The following LUC7L2 variants were observed in gnomAD, a reference collection of about 807,000 sequenced individuals.
The protein encoded by LUC7L2 is LUC7 like 2, pre-mRNA splicing factor.
In LUC7L2, 25 loss-of-function variants were observed where a neutral mutation model predicts 52.8. The observed-to-expected ratio is 0.47, with a 90% CI of 0.34 to 0.66. The LOEUF is 0.66. Ranked by LOEUF, LUC7L2 falls within the 30% of genes least tolerant of loss-of-function variation. The pLI is 0.01. For missense variants in LUC7L2, 328 were observed against 497.8 expected (o/e 0.66, Z 3.25); for synonymous variants, 144 against 160.9 (o/e 0.89, Z 0.80).
At chr7:139,412,783 C>T (rs1480042259) in intron 8 of LUC7L2, 15 of 364,304 alleles carry the variant, frequency 4.1e-5, no homozygotes, top group Non-Finnish European at 7.2e-5. Flanking sequence ...CAAGATAGCA[C>T]CACTGCACTC....
intron 1 of LUC7L2, among the ~76,000 whole-genome samples, chr7:139,368,393 A>G (rs1004548670): frequency 6.6e-6 from 1 of 152,230 alleles, no homozygotes; most frequent in African/African-American, 2.4e-5. Context: ...TCAAACAAGC[A>G]TCTGTATGAT....
In LUC7L2 at chr7:139,375,680, G is replaced by GT. The variant is rs1331142994; in HGVS notation, c.62-381dup. On this transcript the variant is annotated intron_variant, in intron 1 of 9. Transcript: ENST00000354926. ...GTCAAGAAGGGAACATTGTATACCA[G>GT]TATAAACTCTCTTAGTGGGTCTGCA... 8.6e-6 allele frequency: 8 copies of GT among 932,402 alleles called. No individual in the cohort carries two copies. In the African/African-American group the frequency reaches 1.4e-4, roughly 17 times the overall value. 57.8% of individuals were successfully genotyped at this position (932,402 alleles called of 1,614,324 possible).
intron 1 of LUC7L2, among the ~76,000 whole-genome samples, chr7:139,360,635 G>T (rs942959041): frequency 6.6e-6 from 1 of 152,122 alleles, no homozygotes; most frequent in South Asian, 2.1e-4. Flanking sequence ...TAGTTGGGGG[G>T]CCCGTTTTGT....
intron 1 of LUC7L2, chr7:139,374,276 C>T: frequency 2.9e-6 from 2 of 697,170 alleles, no homozygotes; most frequent in Non-Finnish European, 4.8e-6. Flanking sequence ...TGATTTTGTT[C>T]ACTTTTGTTT....
At chr7:139,357,183 G>A (rs558301869), upstream of LUC7L2, among the ~76,000 whole-genome samples, 140 of 152,166 alleles carry the variant, frequency 9.2e-4, no homozygotes, top group Non-Finnish European at 1.7e-3. Flanking sequence ...TACTAGAGTG[G>A]AAGAAATTGG....
intron 2 of LUC7L2, among the ~76,000 whole-genome samples, chr7:139,385,631 T>C (rs1794163407): frequency 6.6e-6 from 1 of 152,138 alleles, no homozygotes; most frequent in South Asian, 2.1e-4. Flanking sequence ...GTAAGATGAC[T>C]CTTGAAATTA....
At chr7:139,362,287 C>T (rs769079900) in intron 1 of LUC7L2, among the ~76,000 whole-genome samples, 2 of 151,846 alleles carry the variant, frequency 1.3e-5, no homozygotes, top group South Asian at 4.1e-4. Context: ...AAAATTAATT[C>T]TATATATGCA....
At chr7:139,373,371 A>G (rs918751415) in intron 1 of LUC7L2, among the ~76,000 whole-genome samples, 20 of 152,192 alleles carry the variant, frequency 1.3e-4, no homozygotes, top group African/African-American at 4.3e-4. Context: ...CTGTATCTCA[A>G]ATTATTAAGC....
In LUC7L2 at chr7:139,350,478, C is replaced by A. The variant is rs142211385; in HGVS notation, c.-26+9961C>A. ...ATGTATCCATTTTCTGCATTTTTCA[C>A]CACTTACTCATCCTCAATGCACTGC... On this transcript the variant is annotated intron_variant, in intron 1 of 10. Coordinates refer to the LUC7L2 transcript ENST00000541170. Among the ~76,000 whole-genome samples the A allele has an allele frequency of 5.0e-3, 755 of 152,070 alleles. 14 individuals are homozygous for A. The East Asian group carries it at 0.05, about 10-fold the overall frequency.
chr7:139,412,685 G>T, intron 8 of LUC7L2, 105 bp downstream of exon 8: 1 of 1,377,432 alleles, frequency 7.3e-7, no homozygotes, highest in Non-Finnish European at 9.8e-7. Flanking sequence ...TTTTTTGGCT[G>T]GGCACGGTGA....
At chr7:139,378,864 A>G (rs1250610520) in intron 2 of LUC7L2, among the ~76,000 whole-genome samples, 1 of 152,212 alleles carries the variant, frequency 6.6e-6, no homozygotes, top group Non-Finnish European at 1.5e-5. Flanking sequence ...AACTCTGCTT[A>G]AATTCTGAAA....
intron 2 of LUC7L2, among the ~76,000 whole-genome samples, chr7:139,396,921 T>G (rs1188962689): frequency 6.6e-6 from 1 of 152,228 alleles, no homozygotes; most frequent in Non-Finnish European, 1.5e-5. Flanking sequence ...TCATATTTAT[T>G]TCTTTTAAAT....
At position 139,374,971 on chromosome 7, in the gene LUC7L2, A is replaced by T. The variant is rs1229830279; in HGVS notation, c.62-1091A>T. 4 of 986,108 alleles carry T rather than the reference A, an allele frequency of 4.1e-6. No homozygotes were observed. The South Asian group carries it at 1.9e-4, about 46-fold the overall frequency. The allele number at this position is 986,108 out of a possible 1,614,324, so 61.1% of individuals were successfully genotyped here. On this transcript the variant is annotated intron_variant, in intron 1 of 9. Coordinates refer to ENST00000354926, the MANE Select transcript of LUC7L2 (RefSeq NM_016019.5). ...TATCATGTGAAATACAGAGGTATTT[A>T]TATCTCTTTTGGCACCAATAGTTCT...
At position 139,394,483 on chromosome 7, in the gene LUC7L2, G is replaced by A. The variant is rs180792781; in HGVS notation, c.157-4116G>A. 5.0e-3 allele frequency among the ~76,000 whole-genome samples: 761 copies of A among 152,252 alleles called. 10 individuals carry two copies. The highest frequency in any genetic ancestry group is 4.1e-3 in the Non-Finnish European group (278 of 68,018). ...TCTACATAGTTGCTTTTCTTCCTTT[G>A]GTTGGTTGTGTGATGTAACTTTAAA... On this transcript the variant is annotated intron_variant, in intron 2 of 9. Coordinates refer to ENST00000354926, the MANE Select transcript of LUC7L2 (RefSeq NM_016019.5).
At chr7:139,363,178 C>A in intron 1 of LUC7L2, 2 of 984,936 alleles carry the variant, frequency 2.0e-6, no homozygotes, top group Non-Finnish European at 2.4e-6. Flanking sequence ...TTGCCTAGGG[C>A]CCTGGTGGTG....
intron 2 of LUC7L2, among the ~76,000 whole-genome samples, chr7:139,395,125 ATAG>A (rs1794603678): frequency 6.6e-6 from 1 of 152,222 alleles, no homozygotes; most frequent in Non-Finnish European, 1.5e-5. Flanking sequence ...GTGAACAGCT[ATAG>A]CTTGTGGAAA....
intron 9 of LUC7L2, among the ~76,000 whole-genome samples, chr7:139,419,138 A>AAC (rs1795768807): frequency 6.6e-6 from 1 of 151,894 alleles, no homozygotes; most frequent in African/African-American, 2.4e-5. Context: ...AACAAAAAAA[A>AAC]AAACAAAAAG....
chr7:139,410,272 T>G (rs1795302683), intron 7 of LUC7L2, among the ~76,000 whole-genome samples: 3 of 150,228 alleles, frequency 2.0e-5, no homozygotes, highest in Non-Finnish European at 2.9e-5. Flanking sequence ...TGGGCTAGAT[T>G]TGCACCAGGT....
intron 2 of LUC7L2, among the ~76,000 whole-genome samples, chr7:139,386,681 C>T (rs1174977926): frequency 2.0e-5 from 3 of 152,072 alleles, no homozygotes; most frequent in African/African-American, 7.3e-5. Context: ...GCTGGGATTA[C>T]AGGCATGAGC....
Sources: gnomAD v4.1 joint callset for allele counts (sites outside exome capture counted in the v4.1 genomes callset) on GRCh38, gnomAD v4.1.1 for gene constraint, MANE v1.5 for transcripts, NCBI Gene and HGNC (gene_info 2026-07-23, HGNC 2026-07-21) for gene names.